The following TFCP2 variants were observed in gnomAD, a reference collection of about 807,000 sequenced individuals.
TFCP2 encodes transcription factor CP2, also known as alpha-globin transcription factor CP2.
In TFCP2, 33 loss-of-function variants were observed where a neutral mutation model predicts 73.4. The observed-to-expected ratio is 0.45, with a 90% confidence interval of 0.34 to 0.60. The LOEUF (loss-of-function observed/expected upper bound fraction) is 0.60, where lower values mean the gene tolerates loss of function less well. Among genes scored for constraint, TFCP2 ranks in the 20% least tolerant of loss-of-function variants. The pLI, the probability that TFCP2 is intolerant of heterozygous loss-of-function variation, is 0.01. For synonymous variants in TFCP2, 193 were observed against 211.6 expected (o/e 0.91, Z 0.76); for missense variants, 352 against 604.0 (o/e 0.58, Z 4.37).
rs115926950 is a variant in TFCP2 at position 51,171,871 on chromosome 12, T to C, written c.122+430A>G. ...CGGACTTCTTCATCAAGGACTTCCATATCTTTCCAACAAGAAACGAACCAA... is the reference window on the plus strand; with the variant it reads ...CGGACTTCTTCATCAAGGACTTCCACATCTTTCCAACAAGAAACGAACCAA... On this transcript the variant is annotated intron_variant, in intron 1 of 14. Transcript: ENST00000257915. Among the ~76,000 whole-genome samples the C allele has an allele frequency of 5.4e-3, 817 of 152,320 alleles. 9 individuals carry two copies. The highest frequency in any genetic ancestry group is 0.019 in the African/African-American group (789 of 41,568).
chr12:51,162,276 T>C (rs1426797009), intron 1 of TFCP2, among the ~76,000 whole-genome samples: 1 of 152,094 alleles, frequency 6.6e-6, no homozygotes, highest in Non-Finnish European at 1.5e-5. Context: ...CAAATCCCCA[T>C]TTGTACTAAA....
chr12:51,097,969 C>T (rs1247717733), intron 13 of TFCP2, among the ~76,000 whole-genome samples: 1 of 150,580 alleles, frequency 6.6e-6, no homozygotes, highest in Non-Finnish European at 1.5e-5. Flanking sequence ...GAGCCGAGAT[C>T]ACACCACCGC....
intron 1 of TFCP2, among the ~76,000 whole-genome samples, chr12:51,157,441 G>A (rs1038160785): frequency 1.3e-5 from 2 of 149,844 alleles, no homozygotes; most frequent in Admixed American, 1.3e-4. Context: ...TCAGCCTTCC[G>A]AGTAGCTAGG....
chr12:51,118,427 T>C (rs1250080813), intron 2 of TFCP2, among the ~76,000 whole-genome samples, 194 bp downstream of exon 2: 2 of 151,942 alleles, frequency 1.3e-5, no homozygotes, highest in Admixed American at 6.6e-5. Flanking sequence ...TGGTGGCGGG[T>C]GCCTGTGGTC....
chr12:51,097,287 C>T (rs535950046), intron 13 of TFCP2, among the ~76,000 whole-genome samples: 7 of 150,856 alleles, frequency 4.6e-5, no homozygotes, highest in East Asian at 3.9e-4. Context: ...CTCGCTCTGT[C>T]GCCTAGGCTG....
At chr12:51,111,674 C>T (rs1166588477) in intron 4 of TFCP2, among the ~76,000 whole-genome samples, 1 of 150,808 alleles carries the variant, frequency 6.6e-6, no homozygotes, top group Admixed American at 6.6e-5. Flanking sequence ...ACCAACATGA[C>T]GTAACCTCAT....
intron 1 of TFCP2, among the ~76,000 whole-genome samples, chr12:51,124,391 C>T (rs1427148327): frequency 6.6e-6 from 1 of 152,130 alleles, no homozygotes; most frequent in Non-Finnish European, 1.5e-5. Flanking sequence ...CCTGGCCCAA[C>T]TAATTGGTTA....
At chr12:51,129,078 A>G (rs1254842973) in intron 1 of TFCP2, among the ~76,000 whole-genome samples, 2 of 152,200 alleles carry the variant, frequency 1.3e-5, no homozygotes, top group Non-Finnish European at 2.9e-5. Context: ...AGAGACATAC[A>G]GCCTGTTACA....
At chr12:51,157,367 A>G (rs1252114999) in intron 1 of TFCP2, among the ~76,000 whole-genome samples, 1 of 152,094 alleles carries the variant, frequency 6.6e-6, no homozygotes, top group Non-Finnish European at 1.5e-5. Flanking sequence ...CCTAGGTAGA[A>G]TGCCGTGGAA....
intron 1 of TFCP2, among the ~76,000 whole-genome samples, chr12:51,160,734 T>C (rs765079106): frequency 1.3e-5 from 2 of 152,168 alleles, no homozygotes; most frequent in African/African-American, 2.4e-5. Context: ...TGGGGTCTAA[T>C]GAAACACTTG....
chr12:51,131,445 T>C (rs1023095193), intron 1 of TFCP2, among the ~76,000 whole-genome samples: 2 of 151,972 alleles, frequency 1.3e-5, no homozygotes, highest in African/African-American at 2.4e-5. Context: ...CCCATCGGTA[T>C]AGTTTTTTTC....
Position 51,169,276 on chromosome 12 carries a change from G to A in TFCP2, c.122+3025C>T, listed in dbSNP as rs112493026. 5.8e-3 allele frequency among the ~76,000 whole-genome samples: 888 copies of A among 152,004 alleles called. 7 individuals carry two copies. Among genetic ancestry groups the A allele is most frequent in the African/African-American group, 0.02 (826 of 41,476 alleles). On this transcript the variant is annotated intron_variant, in intron 1 of 14. Transcript: ENST00000257915. ...AGCACTTTGGGAGGCTGAGACGGGT[G>A]GATCACCTGAGGTCAGGAGTTCAAG...
At chr12:51,125,134 T>C (rs752063364) in intron 1 of TFCP2, 2 of 743,730 alleles carry the variant, frequency 2.7e-6, no homozygotes, top group Admixed American at 3.5e-5. Flanking sequence ...TGGAAGATGA[T>C]GCGCAGTGTG....
chr12:51,107,387 C>T, intron 6 of TFCP2, 41 bp from the exon 7 acceptor site: 1 of 1,531,686 alleles, frequency 6.5e-7, no homozygotes, highest in Non-Finnish European at 8.9e-7. Context: ...AGGTACTCAC[C>T]TTTTAACCCA....
At chr12:51,103,546 AG>A in intron 10 of TFCP2, 123 bp downstream of exon 10, 1 of 623,104 alleles carries the variant, frequency 1.6e-6, no homozygotes, top group Non-Finnish European at 2.7e-6. Flanking sequence ...TCATTTCATC[AG>A]AAAAATGCAG....
chr12:51,132,307 CAAGAATG>C (rs1233691865), intron 1 of TFCP2, among the ~76,000 whole-genome samples: 1 of 131,460 alleles, frequency 7.6e-6, no homozygotes, highest in Non-Finnish European at 1.6e-5. Flanking sequence ...GCTTTAACAA[CAAGAATG>C]TGGAAGAATT....
intron 1 of TFCP2, among the ~76,000 whole-genome samples, chr12:51,167,383 C>T (rs1941776197): frequency 1.5e-5 from 2 of 135,078 alleles, no homozygotes; most frequent in Non-Finnish European, 3.2e-5. Flanking sequence ...AGATGTAGAA[C>T]GTCAGACTGA....
intron 11 of TFCP2, among the ~76,000 whole-genome samples, chr12:51,101,051 C>A (rs1488973317): frequency 1.3e-5 from 2 of 152,200 alleles, no homozygotes; most frequent in Non-Finnish European, 2.9e-5. Flanking sequence ...CGCCTGTAAT[C>A]CCAGCACTTT....
chr12:51,117,316 G>A, intron 3 of TFCP2, among the ~76,000 whole-genome samples: 1 of 152,200 alleles, frequency 6.6e-6, no homozygotes. Flanking sequence ...AGTAGCTTCT[G>A]TTTTCCTTGC....
Sources: allele counts gnomAD v4.1 joint callset (sites outside exome capture counted in the v4.1 genomes callset), GRCh38; gene constraint gnomAD v4.1.1; transcripts MANE v1.5; gene names NCBI Gene and HGNC (gene_info 2026-07-23, HGNC 2026-07-21).